The following SORCS2 variants were observed in gnomAD, a reference collection of about 807,000 sequenced individuals.
The protein encoded by SORCS2 is sortilin related VPS10 domain containing receptor 2, also known as VPS10 domain-containing receptor SorCS2.
In SORCS2, 100 loss-of-function variants were observed where a neutral mutation model predicts 141.6. The ratio of observed to expected loss-of-function variants is 0.71; its 90% CI spans 0.60 to 0.83. The LOEUF is 0.83. Ranked by LOEUF, SORCS2 falls within the 40% of genes least tolerant of loss-of-function variation. SORCS2 has a pLI of 0.00. For synonymous variants in SORCS2, 789 were observed against 676.9 expected (o/e 1.17, Z -2.57); for missense variants, 1,646 against 1,560.2 (o/e 1.05, Z -0.93).
At chr4:7,511,712 G>A (rs1031229569) in intron 2 of SORCS2, among the ~76,000 whole-genome samples, 5 of 152,180 alleles carry the variant, frequency 3.3e-5, no homozygotes, top group African/African-American at 1.2e-4. Flanking sequence ...GCTGCAGCTT[G>A]TTTCCTCCTG....
rs555082343 is a variant in SORCS2 at position 7,528,844 on chromosome 4, G to GT, written c.549-2679dup. On this transcript the variant is annotated intron_variant, in intron 2 of 26. Coordinates refer to ENST00000507866, the MANE Select transcript of SORCS2 (RefSeq NM_020777.3). Reference sequence around the variant, plus strand: ...TCCTGGAGGTCAGAAATCTGAGAGTGTTTTTTTCAGAGGCTCTGAGGGAGC... The same window carrying GT: ...TCCTGGAGGTCAGAAATCTGAGAGTGTTTTTTTTCAGAGGCTCTGAGGGAGC... Among the ~76,000 whole-genome samples, 513 of 152,240 alleles carry GT rather than the reference G, an allele frequency of 3.4e-3. 3 individuals carry two copies. Among genetic ancestry groups the GT allele is most frequent in the African/African-American group, 0.012 (494 of 41,554 alleles).
chr4:7,330,955 G>A (rs559684010), intron 1 of SORCS2, among the ~76,000 whole-genome samples: 85 of 152,274 alleles, frequency 5.6e-4, no homozygotes, highest in Middle Eastern at 3.4e-3. Flanking sequence ...GCCTGCAGGC[G>A]CTCACCCTCC....
intron 2 of SORCS2, among the ~76,000 whole-genome samples, chr4:7,521,515 G>A (rs1733326921): frequency 6.6e-6 from 1 of 152,198 alleles, no homozygotes; most frequent in Admixed American, 6.5e-5. Flanking sequence ...CTGATCCTGG[G>A]AGGGTTTGTT....
intron 2 of SORCS2, among the ~76,000 whole-genome samples, chr4:7,421,704 C>T (rs1332783741): frequency 6.6e-6 from 1 of 152,146 alleles, no homozygotes; most frequent in African/African-American, 2.4e-5. Flanking sequence ...CAGGCTCGGC[C>T]CTGGGGTCTG....
intron 1 of SORCS2, among the ~76,000 whole-genome samples, chr4:7,230,060 T>G (rs1711734469): frequency 7.8e-6 from 1 of 128,008 alleles, no homozygotes; most frequent in East Asian, 2.6e-4. Flanking sequence ...TCTTCGAGTC[T>G]CTGGGCAGGA....
At chr4:7,410,323 G>T (rs146803662) in intron 2 of SORCS2, among the ~76,000 whole-genome samples, 2 of 152,220 alleles carry the variant, frequency 1.3e-5, no homozygotes, top group African/African-American at 4.8e-5. Flanking sequence ...GAAAGAGGGG[G>T]ACTTCAGAGA....
chr4:7,566,638 G>A (rs368094653), intron 3 of SORCS2, among the ~76,000 whole-genome samples: 3 of 152,268 alleles, frequency 2.0e-5, no homozygotes, highest in Non-Finnish European at 2.9e-5. Context: ...CCCCAGGCCT[G>A]TGGGTGGTCC....
chr4:7,442,986 G>T (rs1196391955), intron 2 of SORCS2, among the ~76,000 whole-genome samples: 1 of 152,168 alleles, frequency 6.6e-6, no homozygotes. Context: ...CCGGGCCGGG[G>T]TTTGCAGCCG....
chr4:7,450,424 T>C (rs1728361427), intron 2 of SORCS2, among the ~76,000 whole-genome samples: 1 of 152,220 alleles, frequency 6.6e-6, no homozygotes, highest in Admixed American at 6.5e-5. Flanking sequence ...ACCATCACGG[T>C]TGAGTGTCAG....
intron 3 of SORCS2, among the ~76,000 whole-genome samples, chr4:7,604,219 C>A (rs1280392043): frequency 6.6e-6 from 1 of 152,308 alleles, no homozygotes; most frequent in South Asian, 2.1e-4. Context: ...GGAATCCCCA[C>A]GTGTTGAGGG....
At chr4:7,377,708 G>T (rs1000244068) in intron 1 of SORCS2, among the ~76,000 whole-genome samples, 2 of 152,202 alleles carry the variant, frequency 1.3e-5, no homozygotes, top group Non-Finnish European at 2.9e-5. Flanking sequence ...GAAATGCCAG[G>T]CGTGTGATTT....
chr4:7,573,993 C>T (rs1715571698), intron 3 of SORCS2, among the ~76,000 whole-genome samples: 1 of 152,278 alleles, frequency 6.6e-6, no homozygotes, highest in African/African-American at 2.4e-5. Context: ...TCCTGAATGT[C>T]ACCTTCTCAG....
chr4:7,546,201 G>A lies in SORCS2; in HGVS notation c.648+14572G>A, dbSNP rs569604238. Among the ~76,000 whole-genome samples, 4 of 152,220 alleles carry A rather than the reference G, an allele frequency of 2.6e-5. No individual in the cohort carries two copies. In the East Asian group the frequency reaches 5.8e-4, roughly 22 times the overall value. On this transcript the variant is annotated intron_variant, in intron 3 of 26. Transcript: ENST00000507866. ...GTCCAGACCACTTTTCTTCTATCGT[G>A]GGAGGTGGGAGGTCACGTTCCAGCA...
intron 1 of SORCS2, among the ~76,000 whole-genome samples, chr4:7,289,794 G>T (rs1391421081): frequency 6.6e-6 from 1 of 152,212 alleles, no homozygotes; most frequent in Non-Finnish European, 1.5e-5. Context: ...CAGGCTATTT[G>T]CACATCCCAA....
At chr4:7,724,264 G>A (rs1443889440) in intron 19 of SORCS2, among the ~76,000 whole-genome samples, 1 of 147,144 alleles carries the variant, frequency 6.8e-6, no homozygotes, top group Non-Finnish European at 1.5e-5. Context: ...TGTTGGTGAT[G>A]GTGATGATGG....
intron 3 of SORCS2, among the ~76,000 whole-genome samples, chr4:7,627,840 G>T (rs1244645824): frequency 6.6e-6 from 1 of 152,248 alleles, no homozygotes; most frequent in Middle Eastern, 3.2e-3. Flanking sequence ...TCGGTATCTG[G>T]TGGAGGAAGG....
At chr4:7,498,235 C>A (rs1469123829) in intron 2 of SORCS2, among the ~76,000 whole-genome samples, 1 of 152,190 alleles carries the variant, frequency 6.6e-6, no homozygotes, top group Non-Finnish European at 1.5e-5. Context: ...TGTGGGCCAA[C>A]CTCTCACGCC....
chr4:7,299,155 G>A (rs1365474329), intron 1 of SORCS2, among the ~76,000 whole-genome samples: 3 of 152,262 alleles, frequency 2.0e-5, no homozygotes, highest in Non-Finnish European at 4.4e-5. Context: ...GATGAATAGG[G>A]ATGCTTTGCA....
intron 2 of SORCS2, among the ~76,000 whole-genome samples, chr4:7,419,462 C>A (rs1184709450): frequency 6.6e-6 from 1 of 152,168 alleles, no homozygotes; most frequent in Non-Finnish European, 1.5e-5. Context: ...GAGGTTATAG[C>A]AATGGGCCTT....
Sources: allele counts gnomAD v4.1 joint callset (sites outside exome capture counted in the v4.1 genomes callset), GRCh38; gene constraint gnomAD v4.1.1; transcripts MANE v1.5; gene names NCBI Gene and HGNC (gene_info 2026-07-23, HGNC 2026-07-21).